TMEM217: variants seen among roughly 807,000 people sequenced by gnomAD.
TMEM217 encodes the protein chromosome 6 open reading frame 128.
For synonymous variants in TMEM217, 76 were observed against 88.3 expected (o/e 0.86, Z 0.78); for missense variants, 204 against 248.8 (o/e 0.82, Z 1.21).
chr6:37,229,595 G>T (rs908802859), intron 1 of TMEM217, among the ~76,000 whole-genome samples: 1 of 151,994 alleles, frequency 6.6e-6, no homozygotes, highest in East Asian at 1.9e-4. Context: ...ACCCGCCTCC[G>T]CCTCCCAAAG....
intron 1 of TMEM217, among the ~76,000 whole-genome samples, chr6:37,254,964 C>T (rs1765636349): frequency 6.6e-6 from 1 of 152,194 alleles, no homozygotes; most frequent in African/African-American, 2.4e-5. Context: ...CTTGTATGAG[C>T]AGTTCACAAT....
At chr6:37,234,685 G>A (rs773135025) in intron 1 of TMEM217, among the ~76,000 whole-genome samples, 14 of 151,992 alleles carry the variant, frequency 9.2e-5, no homozygotes, top group Non-Finnish European at 1.8e-4. Flanking sequence ...GCACTGAGCC[G>A]AGATGGTGCC....
intron 1 of TMEM217, among the ~76,000 whole-genome samples, chr6:37,226,240 T>TTTTTG (rs760143444): frequency 7.3e-5 from 11 of 151,302 alleles, no homozygotes; most frequent in South Asian, 2.1e-4. Context: ...CCATTCTCTT[T>TTTTTG]TTTTGTTTTG....
At chr6:37,256,125 A>G (rs1435556418) in intron 1 of TMEM217, among the ~76,000 whole-genome samples, 1 of 152,250 alleles carries the variant, frequency 6.6e-6, no homozygotes, top group Admixed American at 6.5e-5. Flanking sequence ...ACATCTCTAA[A>G]GCCATGTGCA....
chr6:37,228,768 C>T (rs1416172026), intron 1 of TMEM217, among the ~76,000 whole-genome samples: 3 of 151,906 alleles, frequency 2.0e-5, no homozygotes, highest in Non-Finnish European at 4.4e-5. Flanking sequence ...GAGGCCGAGG[C>T]AGGCGGATCA....
intron 1 of TMEM217, among the ~76,000 whole-genome samples, chr6:37,249,507 G>A (rs1036303930): frequency 2.6e-5 from 4 of 152,078 alleles, no homozygotes; most frequent in Admixed American, 6.5e-5. Context: ...TTTTAGTGGA[G>A]ACGGGGTTTC....
At chr6:37,221,429 C>T (rs1056797912) in intron 1 of TMEM217, among the ~76,000 whole-genome samples, 2 of 152,138 alleles carry the variant, frequency 1.3e-5, no homozygotes, top group East Asian at 1.9e-4. Flanking sequence ...TCAGGTGATC[C>T]TCCCACCTCG....
exon 4 of TMEM217, chr6:37,212,541 A>G: frequency 4.4e-6 from 2 of 459,126 alleles, no homozygotes; most frequent in Non-Finnish European, 8.7e-6. Flanking sequence ...GGTTGTATGC[A>G]TGCTTGACGA....
chr6:37,241,525 T>C (rs896335787), intron 1 of TMEM217, among the ~76,000 whole-genome samples: 22 of 152,140 alleles, frequency 1.4e-4, no homozygotes, highest in African/African-American at 5.3e-4. Flanking sequence ...AAGCAGGTGC[T>C]GGCAGGATCC....
At chr6:37,212,775 G>C, downstream of TMEM217, 1 of 705,260 alleles carries the variant, frequency 1.4e-6, no homozygotes, top group African/African-American at 1.7e-5. Flanking sequence ...TGATGGTGGT[G>C]AGGGAGAGGC....
At chr6:37,257,906 C>T in exon 1 of TMEM217, 1 of 1,613,206 alleles carries the variant, frequency 6.2e-7, no homozygotes. Flanking sequence ...AGGACTTCCC[C>T]CGGCCAGAGC....
chr6:37,248,362 T>C (rs920506531), intron 1 of TMEM217, among the ~76,000 whole-genome samples: 3 of 152,220 alleles, frequency 2.0e-5, no homozygotes, highest in African/African-American at 7.2e-5. Flanking sequence ...GTGGCAATGA[T>C]CTGGTGCAGT....
At chr6:37,232,623 T>C (rs418343) in intron 1 of TMEM217, among the ~76,000 whole-genome samples, 116,654 of 152,160 alleles carry the variant, frequency 0.77, 45,094 homozygotes, top group East Asian at 0.9. Context: ...CTGCAACAGC[T>C]AGTCCAAGCC....
chr6:37,212,468 C>A, exon 4 of TMEM217: 1 of 452,756 alleles, frequency 2.2e-6, no homozygotes. Flanking sequence ...CATGAGTTCA[C>A]TGCAATGGTG....
At chr6:37,247,877 G>A (rs1005386250) in intron 1 of TMEM217, among the ~76,000 whole-genome samples, 2 of 152,338 alleles carry the variant, frequency 1.3e-5, no homozygotes, top group South Asian at 4.1e-4. Flanking sequence ...AATATGCCAT[G>A]AGTGTGAACA....
intron 1 of TMEM217, among the ~76,000 whole-genome samples, chr6:37,244,448 A>G (rs1764949337): frequency 1.3e-5 from 2 of 152,252 alleles, no homozygotes; most frequent in East Asian, 3.8e-4. Context: ...TTATAGCCTA[A>G]CAAATACAAC....
At chr6:37,238,388 A>G (rs931482142) in intron 1 of TMEM217, among the ~76,000 whole-genome samples, 23 of 152,324 alleles carry the variant, frequency 1.5e-4, no homozygotes, top group Middle Eastern at 3.4e-3. Flanking sequence ...GCTGTGTTGT[A>G]GCAGACACCG....
chr6:37,214,331 G>A (rs1007019570), downstream of TMEM217, among the ~76,000 whole-genome samples: 3 of 152,078 alleles, frequency 2.0e-5, no homozygotes, highest in Non-Finnish European at 2.9e-5. Context: ...AGGATGAAGC[G>A]ATTCTCATGC....
At chr6:37,253,918 C>A (rs1765583236) in intron 1 of TMEM217, among the ~76,000 whole-genome samples, 1 of 152,176 alleles carries the variant, frequency 6.6e-6, no homozygotes, top group Non-Finnish European at 1.5e-5. Flanking sequence ...CCACAGTCAA[C>A]CCAGGCATAT....
Sources: allele counts gnomAD v4.1 joint callset (sites outside exome capture counted in the v4.1 genomes callset), GRCh38; gene constraint gnomAD v4.1.1; transcripts MANE v1.5; gene names NCBI Gene and HGNC (gene_info 2026-07-23, HGNC 2026-07-21).